Variants in HSD17B12 observed in about 807,000 individuals in gnomAD.
HSD17B12 encodes hydroxysteroid 17-beta dehydrogenase 12.
Under a neutral mutation model 39.3 loss-of-function variants are expected in HSD17B12, and 32 were observed. The ratio of observed to expected loss-of-function variants is 0.81; its 90% CI spans 0.61 to 1.09. The LOEUF is 1.09. HSD17B12 is among the 50% of genes least tolerant of loss of function. The pLI is 0.00. For missense variants in HSD17B12, 342 were observed against 382.9 expected (o/e 0.89, Z 0.89); for synonymous variants, 150 against 146.7 (o/e 1.02, Z -0.16).
intron 9 of HSD17B12, among the ~76,000 whole-genome samples, chr11:43,845,955 G>A (rs760409481): frequency 1.5e-4 from 23 of 152,124 alleles, no homozygotes; most frequent in East Asian, 9.6e-4. Flanking sequence ...TGGATATTTC[G>A]TCATTTCAAA....
chr11:43,835,805 G>C (rs1052674379), intron 7 of HSD17B12, among the ~76,000 whole-genome samples: 1 of 152,236 alleles, frequency 6.6e-6, no homozygotes, highest in Middle Eastern at 3.4e-3. Flanking sequence ...AATAGGATTA[G>C]AATACTTGAG....
At chr11:43,612,244 T>C in the HSD17B12 span, among the ~76,000 whole-genome samples, 1 of 152,250 alleles carries the variant, frequency 6.6e-6, no homozygotes, top group African/African-American at 2.4e-5. Context: ...TAGTTATTAT[T>C]CCTCTGTTTT....
At chr11:43,826,926 T>G (rs1951248663) in intron 6 of HSD17B12, among the ~76,000 whole-genome samples, 1 of 152,260 alleles carries the variant, frequency 6.6e-6, no homozygotes, top group Non-Finnish European at 1.5e-5. Flanking sequence ...TTATTTTCAC[T>G]GTTACACTGT....
intron 6 of HSD17B12, among the ~76,000 whole-genome samples, chr11:43,820,595 A>C (rs1951172718): frequency 6.6e-6 from 1 of 152,218 alleles, no homozygotes. Context: ...CATCAGGGGA[A>C]CTGGGGCATG....
At chr11:43,803,324 A>G (rs1272571652) in intron 4 of HSD17B12, among the ~76,000 whole-genome samples, 1 of 152,140 alleles carries the variant, frequency 6.6e-6, no homozygotes, top group Non-Finnish European at 1.5e-5. Context: ...TCCAGATCCC[A>G]CATACTCTCA....
At chr11:43,647,909 A>G in the HSD17B12 span, among the ~76,000 whole-genome samples, 4 of 152,316 alleles carry the variant, frequency 2.6e-5, no homozygotes, top group East Asian at 5.8e-4. Context: ...AGGACAGAAT[A>G]TATTATCTCT....
chr11:43,732,068 C>G (rs1373362416), intron 1 of HSD17B12, among the ~76,000 whole-genome samples: 1 of 152,052 alleles, frequency 6.6e-6, no homozygotes, highest in African/African-American at 2.4e-5. Flanking sequence ...TAGGAGGGAC[C>G]TGGTGGGAGG....
intron 3 of HSD17B12, among the ~76,000 whole-genome samples, chr11:43,757,649 A>AAAAAAG (rs1950519830): frequency 1.4e-5 from 2 of 141,492 alleles, no homozygotes; most frequent in Non-Finnish European, 3.1e-5. Flanking sequence ...CAAAAAAAAA[A>AAAAAAG]AAAAAAAAAA....
chr11:43,651,189 G>T, the HSD17B12 span, among the ~76,000 whole-genome samples: 1 of 152,216 alleles, frequency 6.6e-6, no homozygotes, highest in Non-Finnish European at 1.5e-5. Context: ...CAAGGTAAAT[G>T]TTGCCCATGA....
intron 1 of HSD17B12, among the ~76,000 whole-genome samples, chr11:43,691,946 G>A (rs956578716): frequency 1.3e-5 from 2 of 152,158 alleles, no homozygotes; most frequent in Non-Finnish European, 2.9e-5. Context: ...CTTCCTGTTT[G>A]TGAAATTCTA....
intron 3 of HSD17B12, among the ~76,000 whole-genome samples, chr11:43,775,920 C>G (rs1212998614): frequency 2.0e-5 from 3 of 151,858 alleles, no homozygotes; most frequent in East Asian, 1.9e-4. Context: ...CATCCATGTC[C>G]CTACGAAGGA....
chr11:43,678,250 C>T (rs980454743), upstream of HSD17B12, among the ~76,000 whole-genome samples: 32 of 152,130 alleles, frequency 2.1e-4, 1 homozygote, highest in Non-Finnish European at 2.6e-4. Flanking sequence ...AGTATCTGTT[C>T]ATATCTTTTG....
At chr11:43,753,667 G>C (rs1246487466) in intron 2 of HSD17B12, among the ~76,000 whole-genome samples, 1 of 151,660 alleles carries the variant, frequency 6.6e-6, no homozygotes, top group Non-Finnish European at 1.5e-5. Flanking sequence ...TCCCACTTCG[G>C]CCTCCTGAAT....
rs116322494 is a variant in HSD17B12 at position 43,849,975 on chromosome 11, G to A, written c.685-4740G>A. ...ACAAATTCCACATCTTTGGAGGTAG[G>A]TTATTTACAAGATTATCAGCCAACA... On this transcript the variant is annotated intron_variant, in intron 9 of 10. Transcript: ENST00000278353. 8.2e-3 allele frequency among the ~76,000 whole-genome samples: 1,253 copies of A among 152,292 alleles called. 19 individuals are homozygous for A. The highest frequency in any genetic ancestry group is 0.029 in the African/African-American group (1,185 of 41,560).
At chr11:43,741,490 AT>A (rs900538208) in intron 1 of HSD17B12, among the ~76,000 whole-genome samples, 3 of 152,144 alleles carry the variant, frequency 2.0e-5, no homozygotes, top group Non-Finnish European at 4.4e-5. Flanking sequence ...TGGTTAAAAA[AT>A]GCAAAGAGTT....
intron 1 of HSD17B12, among the ~76,000 whole-genome samples, chr11:43,712,918 G>A (rs1233774184): frequency 6.6e-6 from 1 of 152,184 alleles, no homozygotes; most frequent in Non-Finnish European, 1.5e-5. Flanking sequence ...ATGAAAAAGT[G>A]ATGTGTTTCC....
At chr11:43,771,264 C>G (rs1375953418) in intron 3 of HSD17B12, among the ~76,000 whole-genome samples, 1 of 152,068 alleles carries the variant, frequency 6.6e-6, no homozygotes, top group Non-Finnish European at 1.5e-5. Context: ...AGCTATAATT[C>G]ACTCCTTTTA....
chr11:43,614,177 A>G, the HSD17B12 span, among the ~76,000 whole-genome samples: 4 of 152,310 alleles, frequency 2.6e-5, no homozygotes, highest in Non-Finnish European at 4.4e-5. Flanking sequence ...ATTTCTTATA[A>G]TAGAGGGCTG....
intron 3 of HSD17B12, among the ~76,000 whole-genome samples, chr11:43,795,193 A>C (rs1289300574): frequency 6.6e-6 from 1 of 152,114 alleles, no homozygotes; most frequent in East Asian, 1.9e-4. Context: ...ATGCAGGGTA[A>C]TAGGCTATGG....
Sources: allele counts gnomAD v4.1 joint callset (sites outside exome capture counted in the v4.1 genomes callset), GRCh38; gene constraint gnomAD v4.1.1; transcripts MANE v1.5; gene names NCBI Gene and HGNC (gene_info 2026-07-23, HGNC 2026-07-21).